Variants in ARAP3 observed in about 807,000 individuals in gnomAD.
The protein encoded by ARAP3 is ArfGAP with RhoGAP domain, ankyrin repeat and PH domain 3, also known as arf-GAP with Rho-GAP domain, ANK repeat and PH domain-containing protein 3.
A neutral mutation model predicts 169.2 loss-of-function variants in ARAP3; 82 were observed. The ratio of observed to expected loss-of-function variants is 0.48; its 90% confidence interval spans 0.41 to 0.58. ARAP3 has a LOEUF of 0.58. Among genes scored for constraint, ARAP3 ranks in the 20% least tolerant of loss-of-function variants. ARAP3 has a pLI of 0.00. For missense variants in ARAP3, 1,764 were observed against 2,018.0 expected, an observed-to-expected ratio of 0.87 and a Z score of 2.41; for synonymous variants, 791 against 800.3, an observed-to-expected ratio of 0.99 and a Z score of 0.20.
chr5:141,660,626 T>G (rs927617095), intron 21 of ARAP3, among the ~76,000 whole-genome samples: 2 of 151,916 alleles, frequency 1.3e-5, no homozygotes, highest in Non-Finnish European at 2.9e-5. Context: ...CCCTATAATA[T>G]AGTATATTTT....
At position 141,663,580 on chromosome 5, in the gene ARAP3, C is replaced by T. The variant is rs959938241; in HGVS notation, c.2801-1325G>A. Among the ~76,000 whole-genome samples the T allele has an allele frequency of 1.5e-4, 23 of 152,256 alleles. 1 individual carries two copies. The highest frequency in any genetic ancestry group is 4.8e-4 in the African/African-American group (20 of 41,470). On this transcript the variant is annotated intron_variant, in intron 19 of 32. Transcript: ENST00000239440. ...CTGGGATTACACACTTGAACCACCA[C>T]GCCCGGCCCCATATTCTTTCTTCAG...
In ARAP3 at chr5:141,653,810, C is replaced by T; in HGVS notation, c.*140G>A. On this transcript the variant is annotated 3_prime_UTR_variant, in exon 33 of 33. Coordinates refer to ENST00000239440, the MANE Select transcript of ARAP3 (RefSeq NM_022481.6). ...GTCCTGGGACACGCAGCCACTGAAGCCTTTAGTCCAGTGCTCCTTCCACAG... is the reference window on the plus strand; with the variant it reads ...GTCCTGGGACACGCAGCCACTGAAGTCTTTAGTCCAGTGCTCCTTCCACAG... The T allele has an allele frequency of 3.2e-6, 4 of 1,236,176 alleles. No homozygotes were observed. The highest frequency in any genetic ancestry group is 4.4e-6 in the Non-Finnish European group (4 of 912,232). 76.6% of individuals were successfully genotyped at this position (1,236,176 alleles called of 1,614,324 possible). A position where few individuals can be genotyped will look rare whatever the true frequency, so the allele number is the denominator to read the frequency against.
chr5:141,666,808 C>G (rs901788789), intron 16 of ARAP3, 165 bp from the exon 17 acceptor site: 4 of 417,732 alleles, frequency 9.6e-6, no homozygotes, highest in African/African-American at 8.2e-5. Flanking sequence ...GAGGAGACAG[C>G]CAAGGAGGAG....
chr5:141,671,237 G>C lies in ARAP3; in HGVS notation c.1990+28C>G. On this transcript the variant is annotated intron_variant, in intron 13 of 32. Coordinates refer to ENST00000239440, the MANE Select transcript of ARAP3 (RefSeq NM_022481.6). The surrounding 1 kb of genome is among the most constrained non-coding windows in gnomAD (Gnocchi z 4.9). ...GGTTGGGTCTGAGAATTCCTGTAGGGGAGAGAGGAGGCACTTGGGGGAATG... is the reference window on the plus strand; with the variant it reads ...GGTTGGGTCTGAGAATTCCTGTAGGCGAGAGAGGAGGCACTTGGGGGAATG... 1.3e-6 allele frequency: 2 copies of C among 1,572,630 alleles called. No homozygotes were observed. The highest frequency in any genetic ancestry group is 2.3e-5 in the South Asian group (2 of 85,544).
intron 32 of ARAP3, 102 bp downstream of exon 32, chr5:141,655,260 C>CACACACACACACACACACACACACACA (rs1562401159): frequency 2.4e-6 from 2 of 831,520 alleles, no homozygotes; most frequent in African/African-American, 5.9e-5. Context: ...ACACACACAC[C>CACACACACACACACACACACACACACA]CCCTGATGGC....
intron 2 of ARAP3, 47 bp downstream of exon 2, chr5:141,679,916 T>C: frequency 6.2e-7 from 1 of 1,612,776 alleles, no homozygotes. Context: ...CATGCTCTCC[T>C]CCCCACTCCT....
intron 17 of ARAP3, 29 bp from the exon 18 acceptor site, chr5:141,665,403 T>C: frequency 6.2e-7 from 1 of 1,610,418 alleles, no homozygotes; most frequent in Non-Finnish European, 8.5e-7. Flanking sequence ...GACATTTTCA[T>C]GATTATCGTC....
At chr5:141,655,196 CACACACACACACACACACCCTGATGGCCT>C (rs1436988576) in intron 32 of ARAP3, among the ~76,000 whole-genome samples, 137 bp downstream of exon 32, 10 of 132,780 alleles carry the variant, frequency 7.5e-5, no homozygotes, top group Non-Finnish European at 1.5e-4. Flanking sequence ...CACACACACA[CACACACACACACACACACCCTGATGGCCT>C]ACACACACAC....
At chr5:141,656,423 T>C in intron 27 of ARAP3, 81 bp downstream of exon 27, 1 of 1,581,492 alleles carries the variant, frequency 6.3e-7, no homozygotes, top group East Asian at 2.3e-5. Context: ...GAGTATGGGC[T>C]GTGGAGTCAG....
chr5:141,655,144 CCT>C (rs1194817708), intron 32 of ARAP3, among the ~76,000 whole-genome samples: 7 of 138,632 alleles, frequency 5.0e-5, no homozygotes, highest in Admixed American at 7.4e-5. Flanking sequence ...CCTCGCTCTC[CCT>C]CTCTCTCTCT....
Position 141,653,887 on chromosome 5 carries a change from A to C in ARAP3, c.*63T>G, listed in dbSNP as rs564803889. On this transcript the variant is annotated 3_prime_UTR_variant, in exon 33 of 33. Transcript: ENST00000239440. ...CAGCCAGGGCAGAGGAAGCTGCAAC[A>C]GTGCCACGATAAGAGTTTCTGGGTC... 4 of 1,502,964 alleles carry C rather than the reference A, an allele frequency of 2.7e-6. No homozygotes were observed. The South Asian group carries it at 5.5e-5, about 21-fold the overall frequency. The allele number at this position is 1,502,964 out of a possible 1,614,324, so 93.1% of individuals were successfully genotyped here. A position where few individuals can be genotyped will look rare whatever the true frequency, so the allele number is the denominator to read the frequency against.
rs778151958 is a variant in ARAP3, at chr5:141,654,375, C to T, written c.4210G>A (p.Glu1404Lys). ...EQEELEEPVY[E>K]EPVYEEVGAF... is the part of the protein sequence containing the mutation. ...CCTACTTCCTCATACACTGGCTCCT[C>T]GTACACAGGCTCCTCCAGCTCCTCT... is the stretch of plus-strand genomic sequence containing the variant. The change falls in exon 33 of 33, where the codon GAG becomes AAG. Residue 1404 changes from glutamate (E) to lysine (K), a missense_variant. By Grantham distance (56) the Glu-to-Lys change is moderately conservative. This residue lies in a region of ARAP3 where 1,112 missense variants were observed against 1,285.7 expected (regional missense o/e 0.86). Coordinates refer to ENST00000239440, the MANE Select transcript of ARAP3 (RefSeq NM_022481.6). 1.7e-5 allele frequency: 28 copies of T among 1,613,016 alleles called. No individual in the cohort carries two copies. Among genetic ancestry groups the T allele is most frequent in the African/African-American group, 1.2e-4 (9 of 74,892 alleles).
rs146191411 is a variant in ARAP3 at position 141,674,277 on chromosome 5, G to GTC, written c.699-471_699-470dup. ...CACGCCCAGCCTCTTTTGAGACAGGGTCTCTCTCTCTCTCTCTGCTGCCCA... is the reference window on the plus strand; with the variant it reads ...CACGCCCAGCCTCTTTTGAGACAGGGTCTCTCTCTCTCTCTCTCTGCTGCCCA... On this transcript the variant is annotated intron_variant, in intron 4 of 32. Coordinates refer to ENST00000239440, the MANE Select transcript of ARAP3 (RefSeq NM_022481.6). 6.9e-3 allele frequency among the ~76,000 whole-genome samples: 1,033 copies of GTC among 149,770 alleles called. 6 individuals are homozygous for GTC. The highest frequency in any genetic ancestry group is 0.01 in the Non-Finnish European group (701 of 67,206).
Position 141,672,397 on chromosome 5 carries a change from G to T in ARAP3, c.1386-96C>A. The T allele has an allele frequency of 6.5e-7, 1 of 1,539,784 alleles. No individual in the cohort carries two copies. The highest frequency in any genetic ancestry group is 1.2e-5 in the South Asian group (1 of 85,350). ...AGGAGCCACCACAGGCCACACCTGG[G>T]GCAGCCCAGACCCTTCTGACATCTT... is the stretch of plus-strand genomic sequence containing the variant. On this transcript the variant is annotated intron_variant, in intron 9 of 32. Transcript: ENST00000239440. This position sits in a 1 kb window ranked among gnomAD's most constrained non-coding sequence, Gnocchi z 4.9.
At chr5:141,674,858 A>G (rs1388172890) in intron 4 of ARAP3, among the ~76,000 whole-genome samples, 2 of 152,190 alleles carry the variant, frequency 1.3e-5, no homozygotes, top group Non-Finnish European at 2.9e-5. Context: ...CTAACTGGCC[A>G]TCTGCTTTCA....
In ARAP3 at chr5:141,656,719, T is replaced by G; in HGVS notation, c.3654A>C (p.Thr1218=). Residue 1218 remains threonine (T), a splice_region_variant and synonymous_variant, in exon 26 of 33, where the codon ACA becomes ACC. Coordinates refer to ENST00000239440, the MANE Select transcript of ARAP3 (RefSeq NM_022481.6). ...VPLAQAGCLF[T]GIRRESPRVG... Reference sequence around the variant, plus strand: ...GCTGGGCAGAGGAAGGAGGCTCACCTGTGAAGAGGCAGCCAGCTTGGGCCA... The same window carrying G: ...GCTGGGCAGAGGAAGGAGGCTCACCGGTGAAGAGGCAGCCAGCTTGGGCCA... 2 of 1,612,436 alleles carry G rather than the reference T, an allele frequency of 1.2e-6. No individual in the cohort carries two copies. Among genetic ancestry groups the G allele is most frequent in the Non-Finnish European group, 1.7e-6 (2 of 1,179,368 alleles).
In ARAP3 at chr5:141,653,775, G is replaced by A. The variant is rs1435941984; in HGVS notation, c.*175C>T. On this transcript the variant is annotated 3_prime_UTR_variant, in exon 33 of 33. Transcript: ENST00000239440. ...ATAAATGGGCTGGGCCCAGAGAGGG[G>A]CCATGACCTGTCCTGGGACACGCAG... 7 of 805,890 alleles carry A rather than the reference G, an allele frequency of 8.7e-6. No homozygotes were observed. The highest frequency in any genetic ancestry group is 1.8e-6 in the Non-Finnish European group (1 of 554,318). 49.9% of individuals were successfully genotyped at this position (805,890 alleles called of 1,614,324 possible). A position where few individuals can be genotyped will look rare whatever the true frequency, so the allele number is the denominator to read the frequency against.
intron 4 of ARAP3, among the ~76,000 whole-genome samples, chr5:141,675,677 C>T (rs13184976): frequency 0.088 from 13,337 of 151,036 alleles, 810 homozygotes; most frequent in Non-Finnish European, 0.12. Flanking sequence ...GAGCAGAGAT[C>T]GAGCCACTGT....
At chr5:141,655,562 T>A (rs2099909171) in intron 31 of ARAP3, 59 bp downstream of exon 31, 2 of 1,611,966 alleles carry the variant, frequency 1.2e-6, no homozygotes, top group Non-Finnish European at 1.7e-6. Flanking sequence ...CACTGCCTAC[T>A]GCAATGTGAC....
Sources: allele counts gnomAD v4.1 joint callset (sites outside exome capture counted in the v4.1 genomes callset), GRCh38; gene constraint gnomAD v4.1.1; regional missense constraint gnomAD v4.1.1; non-coding constraint Gnocchi (gnomAD v3.1); transcripts MANE v1.5; gene names NCBI Gene and HGNC (gene_info 2026-07-23, HGNC 2026-07-21).